Variants in GPBP1 observed in about 807,000 individuals in gnomAD.
GPBP1 encodes GC-rich promoter binding protein 1.
A neutral mutation model predicts 56.5 loss-of-function variants in GPBP1; 13 were observed. The observed-to-expected ratio is 0.23, with a 90% CI of 0.15 to 0.37. The LOEUF is 0.37. Ranked by LOEUF, GPBP1 falls within the 10% of genes least tolerant of loss-of-function variation. The probability of loss-of-function intolerance (pLI) is 1.00; values close to 1 mark genes in which losing one functional copy is unlikely to be tolerated. For synonymous variants in GPBP1, 204 were observed against 188.9 expected (o/e 1.08, Z -0.66); for missense variants, 477 against 572.3 (o/e 0.83, Z 1.70).
intron 10 of GPBP1, among the ~76,000 whole-genome samples, chr5:57,258,615 G>C (rs953221049): frequency 6.6e-6 from 1 of 152,234 alleles, no homozygotes; most frequent in African/African-American, 2.4e-5. Flanking sequence ...ATGTTTAGGG[G>C]GGAAAGGGAA....
intron 2 of GPBP1, among the ~76,000 whole-genome samples, chr5:57,190,235 A>G (rs191725688): frequency 2.0e-5 from 3 of 151,540 alleles, no homozygotes; most frequent in East Asian, 3.9e-4. Flanking sequence ...CTTGGGGACT[A>G]GGTGGAATTT....
At position 57,250,988 on chromosome 5, in the gene GPBP1, G is replaced by A; in HGVS notation, c.1007G>A (p.Ser336Asn). Residue 336 changes from serine (S) to asparagine (N), a missense_variant, in exon 10 of 12, where the codon AGT (serine) becomes AAT (asparagine). Coordinates refer to ENST00000506184, the MANE Select transcript of GPBP1 (RefSeq NM_022913.4). ...DDSFNLHNSN[S>N]THQERDINRN... is the part of the protein sequence containing the mutation. ...TCATTTAATTTACATAACAGCAATAGTACTCACCAAGAAAGGGATATAAAC... is the reference window on the plus strand; with the variant it reads ...TCATTTAATTTACATAACAGCAATAATACTCACCAAGAAAGGGATATAAAC... The A allele has an allele frequency of 6.2e-7, 1 of 1,603,758 alleles. No individual in the cohort carries two copies. Among genetic ancestry groups the A allele is most frequent in the Non-Finnish European group, 8.5e-7 (1 of 1,175,646 alleles).
At chr5:57,231,013 T>C (rs1277814331) in intron 4 of GPBP1, 44 bp downstream of exon 4, 1 of 1,582,888 alleles carries the variant, frequency 6.3e-7, no homozygotes, top group Non-Finnish European at 8.6e-7. Flanking sequence ...ATTTTCTTTA[T>C]GATTTTTAAA....
At chr5:57,196,565 A>C (rs1277303723) in intron 2 of GPBP1, among the ~76,000 whole-genome samples, 1 of 152,190 alleles carries the variant, frequency 6.6e-6, no homozygotes, top group Non-Finnish European at 1.5e-5. Context: ...ACCAGGATTT[A>C]AATAAAATTG....
At chr5:57,244,031 TTTC>T (rs1422420388) in intron 6 of GPBP1, among the ~76,000 whole-genome samples, 1 of 152,208 alleles carries the variant, frequency 6.6e-6, no homozygotes, top group Non-Finnish European at 1.5e-5. Flanking sequence ...AAAATTTTTA[TTTC>T]TTCTTATATC....
chr5:57,186,170 G>A (rs952987954), intron 2 of GPBP1, among the ~76,000 whole-genome samples: 3 of 151,934 alleles, frequency 2.0e-5, no homozygotes, highest in Admixed American at 1.3e-4. Flanking sequence ...GCTGAGGCTG[G>A]AGAATCCTTT....
At chr5:57,257,282 G>A (rs1357291490) in intron 10 of GPBP1, among the ~76,000 whole-genome samples, 7 of 152,072 alleles carry the variant, frequency 4.6e-5, no homozygotes, top group Non-Finnish European at 1.0e-4. Context: ...GTGATCCACC[G>A]CCTTGGCCTC....
At chr5:57,208,380 C>T (rs1755327048) in intron 2 of GPBP1, among the ~76,000 whole-genome samples, 1 of 151,982 alleles carries the variant, frequency 6.6e-6, no homozygotes, top group Non-Finnish European at 1.5e-5. Flanking sequence ...ACCACAGGTA[C>T]GAGCCACCAT....
At chr5:57,225,362 C>T (rs184715615) in intron 3 of GPBP1, among the ~76,000 whole-genome samples, 30 of 151,650 alleles carry the variant, frequency 2.0e-4, no homozygotes, top group African/African-American at 7.0e-4. Context: ...GGCGTGGTGG[C>T]GGGCGCCTGT....
chr5:57,208,812 A>G lies in GPBP1; in HGVS notation c.-57-5262A>G, dbSNP rs992642745. ...GCTGGGATTACAGGTGCCTGCCTCCATGCCCAGCTAATACTTTATTTTAGC... is the reference window on the plus strand; with the variant it reads ...GCTGGGATTACAGGTGCCTGCCTCCGTGCCCAGCTAATACTTTATTTTAGC... On this transcript the variant is annotated intron_variant, in intron 2 of 11. Transcript: ENST00000506184. 2.0e-5 allele frequency among the ~76,000 whole-genome samples: 3 copies of G among 151,814 alleles called. No individual in the cohort carries two copies. In the South Asian group the frequency reaches 6.2e-4, roughly 32 times the overall value.
chr5:57,231,037 T>G, intron 4 of GPBP1, 61 bp from the exon 5 acceptor site: 1 of 1,580,464 alleles, frequency 6.3e-7, no homozygotes, highest in Non-Finnish European at 8.6e-7. Context: ...TGTTTTGATG[T>G]GATTCAATCT....
chr5:57,182,596 C>G (rs546573189), intron 2 of GPBP1, among the ~76,000 whole-genome samples: 23 of 152,114 alleles, frequency 1.5e-4, no homozygotes, highest in African/African-American at 5.1e-4. Flanking sequence ...TGGTCTTGAA[C>G]TCCTGACCTC....
At chr5:57,248,681 G>T (rs989802320) in intron 8 of GPBP1, among the ~76,000 whole-genome samples, 1 of 151,934 alleles carries the variant, frequency 6.6e-6, no homozygotes, top group Non-Finnish European at 1.5e-5. Context: ...TGATCCGCCC[G>T]CCTCGGCCTC....
intron 6 of GPBP1, among the ~76,000 whole-genome samples, chr5:57,236,595 C>A (rs1448112621): frequency 1.3e-5 from 2 of 151,812 alleles, no homozygotes; most frequent in African/African-American, 2.4e-5. Context: ...TAGAAATAAC[C>A]CAGCCCCCAT....
At chr5:57,232,626 C>G (rs1756507184) in intron 5 of GPBP1, among the ~76,000 whole-genome samples, 1 of 152,152 alleles carries the variant, frequency 6.6e-6, no homozygotes, top group Non-Finnish European at 1.5e-5. Flanking sequence ...TTCTAAGGTG[C>G]TAGCCAATCA....
At chr5:57,204,847 A>G (rs558215029) in intron 2 of GPBP1, among the ~76,000 whole-genome samples, 7 of 152,208 alleles carry the variant, frequency 4.6e-5, no homozygotes, top group Non-Finnish European at 1.0e-4. Context: ...TAGAAATTAT[A>G]GAATAACCTG....
At chr5:57,214,664 T>G (rs569097672) in intron 3 of GPBP1, among the ~76,000 whole-genome samples, 1 of 150,990 alleles carries the variant, frequency 6.6e-6, no homozygotes, top group African/African-American at 2.4e-5. Context: ...TCTATTAAAA[T>G]TTTTTTTTTG....
chr5:57,196,877 G>A (rs963574958), intron 2 of GPBP1, among the ~76,000 whole-genome samples: 1 of 151,914 alleles, frequency 6.6e-6, no homozygotes, highest in Non-Finnish European at 1.5e-5. Flanking sequence ...TGCCTCCTGG[G>A]TTCATGCGAT....
At chr5:57,232,407 A>G (rs1344024043) in intron 5 of GPBP1, among the ~76,000 whole-genome samples, 2 of 152,354 alleles carry the variant, frequency 1.3e-5, no homozygotes, top group African/African-American at 2.4e-5. Flanking sequence ...TAATAAAGAA[A>G]TCAACGTACT....
Sources: gnomAD v4.1 joint callset for allele counts (sites outside exome capture counted in the v4.1 genomes callset) on GRCh38, gnomAD v4.1.1 for gene constraint, MANE v1.5 for transcripts, NCBI Gene and HGNC (gene_info 2026-07-23, HGNC 2026-07-21) for gene names.